IDE: variants seen among roughly 807,000 people sequenced by gnomAD.
The protein encoded by IDE is insulin degrading enzyme.
A neutral mutation model predicts 133.2 loss-of-function variants in IDE; 58 were observed. The ratio of observed to expected loss-of-function variants is 0.44; its 90% CI spans 0.35 to 0.54. The LOEUF is 0.54. Among genes scored for constraint, IDE ranks in the 20% least tolerant of loss-of-function variants. The probability of loss-of-function intolerance (pLI) is 0.00; values close to 1 mark genes in which losing one functional copy is unlikely to be tolerated. For missense variants in IDE, 981 were observed against 1,234.0 expected, an observed-to-expected ratio of 0.79 and a Z score of 3.07; for synonymous variants, 396 against 421.3, an observed-to-expected ratio of 0.94 and a Z score of 0.73.
chr10:92,546,387 CT>C (rs1399439599), intron 1 of IDE, among the ~76,000 whole-genome samples: 1 of 152,054 alleles, frequency 6.6e-6, no homozygotes, highest in Non-Finnish European at 1.5e-5. Flanking sequence ...AAAAATAGAG[CT>C]TTTCAAAATA....
chr10:92,483,489 G>A (rs1385333350), intron 13 of IDE, 152 bp from the exon 14 acceptor site: 1 of 602,590 alleles, frequency 1.7e-6, no homozygotes, highest in African/African-American at 1.9e-5. Context: ...ATACTCAAGA[G>A]TCAGCAGGTA....
Position 92,483,683 on chromosome 10 carries a change from G to A in IDE, c.1657-346C>T, listed in dbSNP as rs116121987. Among the ~76,000 whole-genome samples the A allele has an allele frequency of 2.7e-3, 418 of 152,298 alleles. 4 individuals are homozygous for A. Among genetic ancestry groups the A allele is most frequent in the African/African-American group, 9.5e-3 (393 of 41,564 alleles). On this transcript the variant is annotated intron_variant, in intron 13 of 24. Coordinates refer to ENST00000265986, the MANE Select transcript of IDE (RefSeq NM_004969.4). The stretch of plus-strand genomic sequence containing the variant: ...GCAGAGGCAGAAGTCCCTTGCAAGC[G>A]TATGGCAGCCAGCTTCCAGGGTGGC...
chr10:92,474,965 G>A lies in IDE; in HGVS notation c.1996-4C>T, dbSNP rs377017425. 12 of 1,593,838 alleles carry A rather than the reference G, an allele frequency of 7.5e-6. No individual in the cohort carries two copies. In the African/African-American group the frequency reaches 1.6e-4, roughly 22 times the overall value. ...AATTGTTAAGAGATCGCATATACTA[G>A]TGAAAGAGACATGCGTTCATTAATT... is the stretch of plus-strand genomic sequence containing the variant. On this transcript the variant is annotated splice_region_variant and splice_polypyrimidine_tract_variant and intron_variant, in intron 16 of 24. Coordinates refer to ENST00000265986, the MANE Select transcript of IDE (RefSeq NM_004969.4).
At chr10:92,512,471 G>A (rs992156291) in intron 5 of IDE, among the ~76,000 whole-genome samples, 3 of 151,672 alleles carry the variant, frequency 2.0e-5, no homozygotes, top group African/African-American at 4.8e-5. Context: ...TGAGGACAGG[G>A]ATCAGGTTTG....
chr10:92,560,999 T>C (rs887519817), intron 1 of IDE, among the ~76,000 whole-genome samples: 2 of 152,072 alleles, frequency 1.3e-5, no homozygotes, highest in Non-Finnish European at 2.9e-5. Flanking sequence ...ACACCTGTAA[T>C]CCCAGAACTT....
chr10:92,545,282 T>C (rs1035082742), intron 1 of IDE, among the ~76,000 whole-genome samples: 3 of 151,196 alleles, frequency 2.0e-5, no homozygotes, highest in East Asian at 3.9e-4. Context: ...ACAAAACACA[T>C]AGAGATGGGA....
intron 24 of IDE, among the ~76,000 whole-genome samples, chr10:92,455,075 A>G (rs1224222346): frequency 6.6e-6 from 1 of 152,086 alleles, no homozygotes; most frequent in African/African-American, 2.4e-5. Context: ...GCAAAGGCAG[A>G]CAAGGGTAGA....
rs528804574 is a variant in IDE at position 92,534,686 on chromosome 10, C to T, written c.383G>A (p.Ser128Asn). The part of the protein sequence containing the change: ...TKKYPKENEY[S>N]QFLSEHAGSS... ...TCCTGCATGCTCACTGAGAAACTGG[C>T]TGTATTCATTTTCTTTAGGGTATTT... The change falls in exon 3 of 25, where the codon AGC becomes AAC. Residue 128 changes from serine (S) to asparagine (N), a missense_variant. Physicochemically the swap from Ser to Asn is conservative, Grantham distance 46. Transcript: ENST00000265986. 197 of 1,612,860 alleles carry T rather than the reference C, an allele frequency of 1.2e-4. 1 individual carries two copies. The South Asian group carries it at 1.8e-3, about 15-fold the overall frequency.
rs377483652 is a variant in IDE at position 92,474,983 on chromosome 10, C to T, written c.1996-22G>A. On this transcript the variant is annotated intron_variant, in intron 16 of 24. Transcript: ENST00000265986. ...TATACTAGTGAAAGAGACATGCGTT[C>T]ATTAATTTTATAAATCTTTTAAAAA... The T allele has an allele frequency of 1.4e-5, 22 of 1,571,542 alleles. No homozygotes were observed. The African/African-American group carries it at 2.9e-4, about 21-fold the overall frequency.
intron 1 of IDE, among the ~76,000 whole-genome samples, chr10:92,546,120 G>C (rs1842523771): frequency 6.6e-6 from 1 of 152,156 alleles, no homozygotes. Flanking sequence ...ACTAATATAG[G>C]GTTGAGTGAA....
chr10:92,521,947 T>C (rs1849247014), intron 4 of IDE, among the ~76,000 whole-genome samples: 1 of 151,954 alleles, frequency 6.6e-6, no homozygotes, highest in Non-Finnish European at 1.5e-5. Context: ...TTCAAAATAA[T>C]ACAAAAGGGT....
chr10:92,549,352 T>C (rs1842678597), intron 1 of IDE, among the ~76,000 whole-genome samples: 1 of 152,136 alleles, frequency 6.6e-6, no homozygotes, highest in African/African-American at 2.4e-5. Context: ...AAATAATGGA[T>C]GAAAATCAAT....
intron 1 of IDE, among the ~76,000 whole-genome samples, chr10:92,567,684 A>G (rs192438556): frequency 2.0e-4 from 31 of 152,128 alleles, no homozygotes; most frequent in Non-Finnish European, 4.3e-4. Flanking sequence ...TATCTAAAAT[A>G]TTTTCTCTTC....
intron 1 of IDE, among the ~76,000 whole-genome samples, chr10:92,563,904 C>T (rs1341888577): frequency 1.3e-5 from 2 of 152,178 alleles, no homozygotes; most frequent in Non-Finnish European, 2.9e-5. Context: ...AAGCTTGCTG[C>T]TTTAACCATA....
At chr10:92,490,817 T>C (rs548673670) in intron 11 of IDE, among the ~76,000 whole-genome samples, 89 of 152,210 alleles carry the variant, frequency 5.8e-4, no homozygotes, top group Non-Finnish European at 1.2e-3. Context: ...ATTTTTAGTA[T>C]GAAAAAGTGC....
In IDE at chr10:92,465,779, G is replaced by T; in HGVS notation, c.2385C>A (p.Tyr795Ter). The T allele has an allele frequency of 6.2e-7, 1 of 1,613,452 alleles. No homozygotes were observed. The highest frequency in any genetic ancestry group is 8.5e-7 in the Non-Finnish European group (1 of 1,179,440). The change falls in exon 20 of 25, where the codon TAC becomes TAA. Residue 795 changes from tyrosine (Y) to a stop codon, truncating the protein, a stop_gained. Transcript: ENST00000265986. LOFTEE classifies it high-confidence loss of function. The part of the protein sequence containing the change: ...VHNNCGIEIY[Y>*]QTDMQSTSEN... ...CTGAGGTGCTTTGCATGTCTGTTTGGTAGTATATCTCGATGCCACAGTTAT... is the reference window on the plus strand; with the variant it reads ...CTGAGGTGCTTTGCATGTCTGTTTGTTAGTATATCTCGATGCCACAGTTAT...
intron 5 of IDE, among the ~76,000 whole-genome samples, chr10:92,514,493 T>C (rs573969383): frequency 6.6e-6 from 1 of 152,246 alleles, no homozygotes; most frequent in East Asian, 1.9e-4. Flanking sequence ...TGGAGTGCAG[T>C]GGTGTGGTGA....
intron 6 of IDE, among the ~76,000 whole-genome samples, chr10:92,509,828 G>A (rs1371653312): frequency 1.3e-5 from 2 of 151,530 alleles, no homozygotes; most frequent in African/African-American, 4.8e-5. Context: ...GGCTGAGGTG[G>A]GAGGATCAAT....
At chr10:92,503,166 A>G (rs916202010) in intron 11 of IDE, among the ~76,000 whole-genome samples, 1 of 152,192 alleles carries the variant, frequency 6.6e-6, no homozygotes, top group Non-Finnish European at 1.5e-5. Flanking sequence ...ACAGTGGCTC[A>G]CGACGGCTGT....
Sources: gnomAD v4.1 joint callset for allele counts (sites outside exome capture counted in the v4.1 genomes callset) on GRCh38, gnomAD v4.1.1 for gene constraint, MANE v1.5 for transcripts, NCBI Gene and HGNC (gene_info 2026-07-23, HGNC 2026-07-21) for gene names.